The following CLRN1 variants were observed in gnomAD, a reference collection of about 807,000 sequenced individuals.
CLRN1 encodes clarin 1, also known as clarin-1.
A neutral mutation model predicts 18.7 loss-of-function variants in CLRN1; 15 were observed. The ratio of observed to expected loss-of-function variants is 0.80; its 90% CI spans 0.54 to 1.23. The LOEUF is 1.23. Ranked by LOEUF, CLRN1 falls within the 50% of genes most tolerant of loss-of-function variation. The pLI is 0.00. For missense variants in CLRN1, 311 were observed against 277.5 expected (o/e 1.12, Z -0.86); for synonymous variants, 104 against 102.9 (o/e 1.01, Z -0.07).
chr3:150,953,382 T>C (rs1407869062), intron 1 of CLRN1, among the ~76,000 whole-genome samples: 2 of 152,196 alleles, frequency 1.3e-5, no homozygotes, highest in East Asian at 3.8e-4. Context: ...TCTGAGTCAA[T>C]GTGTCTCGGT....
intron 1 of CLRN1, among the ~76,000 whole-genome samples, chr3:150,965,151 C>A (rs1026538994): frequency 3.9e-5 from 6 of 152,114 alleles, no homozygotes; most frequent in Non-Finnish European, 8.8e-5. Flanking sequence ...CAAAATGTAG[C>A]AGAGGAAGAG....
At chr3:150,960,711 C>T (rs1460692655) in intron 1 of CLRN1, among the ~76,000 whole-genome samples, 3 of 152,166 alleles carry the variant, frequency 2.0e-5, no homozygotes, top group African/African-American at 7.2e-5. Flanking sequence ...AAGGAGAACC[C>T]CTGAGAGTCT....
chr3:150,938,855 C>T (rs917771391), intron 2 of CLRN1, among the ~76,000 whole-genome samples: 30 of 152,304 alleles, frequency 2.0e-4, no homozygotes, highest in African/African-American at 7.2e-4. Flanking sequence ...TATTTGTGTG[C>T]TCAGGTTCTC....
chr3:150,954,503 A>G (rs1440794210), intron 1 of CLRN1, among the ~76,000 whole-genome samples: 2 of 152,334 alleles, frequency 1.3e-5, no homozygotes, highest in East Asian at 3.9e-4. Context: ...GTCTTTATGC[A>G]TGCTGGATAC....
At chr3:150,964,123 G>A (rs62282751) in intron 1 of CLRN1, among the ~76,000 whole-genome samples, 27,590 of 151,910 alleles carry the variant, frequency 0.18, 2,769 homozygotes, top group East Asian at 0.39. Context: ...CAGAGTGAAC[G>A]GGCAACCTGC....
intron 2 of CLRN1, among the ~76,000 whole-genome samples, chr3:150,940,232 C>T (rs1353623560): frequency 1.3e-5 from 2 of 152,158 alleles, no homozygotes; most frequent in Non-Finnish European, 2.9e-5. Flanking sequence ...TGTGACAAAT[C>T]TAAAGAAAAT....
chr3:150,941,769 T>C lies in CLRN1; in HGVS notation c.254-8A>G, dbSNP rs1164585720. ...TGAGCAAATCTGGAAAAACTGAAGA[T>C]AAGACAAAACTAGGGTTAGAAGAAG... is the stretch of plus-strand genomic sequence containing the variant. On this transcript the variant is annotated splice_polypyrimidine_tract_variant and splice_region_variant and intron_variant, in intron 1 of 2. Coordinates refer to ENST00000327047, the MANE Select transcript of CLRN1 (RefSeq NM_174878.3). 1.2e-6 allele frequency: 2 copies of C among 1,613,340 alleles called. No homozygotes were observed. The highest frequency in any genetic ancestry group is 1.7e-6 in the Non-Finnish European group (2 of 1,179,520).
At chr3:150,940,272 C>T (rs1434121179) in intron 2 of CLRN1, among the ~76,000 whole-genome samples, 1 of 152,210 alleles carries the variant, frequency 6.6e-6, no homozygotes, top group Non-Finnish European at 1.5e-5. Context: ...GAGAGATCTA[C>T]ATTGGATGGG....
upstream of CLRN1, chr3:150,972,737 G>T: frequency 6.2e-7 from 1 of 1,614,120 alleles, no homozygotes; most frequent in Non-Finnish European, 8.5e-7. Flanking sequence ...TGAGGGCGAG[G>T]TTCAAAAACA....
chr3:150,936,803 C>T (rs1275775283), intron 2 of CLRN1, among the ~76,000 whole-genome samples: 2 of 152,168 alleles, frequency 1.3e-5, no homozygotes, highest in African/African-American at 2.4e-5. Flanking sequence ...CATTTCCCCT[C>T]ACTACCCAGC....
rs145125171 is a variant in CLRN1, at chr3:150,952,977, G to A, written c.254-11216C>T. On this transcript the variant is annotated intron_variant, in intron 1 of 2. Transcript: ENST00000327047. ...CTTTTAATCAAAAATCCCCAAGTCT[G>A]TAATGACCAGCCAGAACTCTCGTAA... is the stretch of plus-strand genomic sequence containing the variant. 2.3e-3 allele frequency among the ~76,000 whole-genome samples: 354 copies of A among 152,240 alleles called. 1 individual carries two copies. The highest frequency in any genetic ancestry group is 8.0e-3 in the African/African-American group (332 of 41,510).
At chr3:150,965,557 C>G (rs1017643065) in intron 1 of CLRN1, among the ~76,000 whole-genome samples, 7 of 152,098 alleles carry the variant, frequency 4.6e-5, no homozygotes, top group Admixed American at 4.6e-4. Flanking sequence ...GTCTGAAAGT[C>G]CTTGGGGAAG....
intron 1 of CLRN1, among the ~76,000 whole-genome samples, chr3:150,950,350 G>A (rs1576637484): frequency 6.6e-6 from 1 of 152,108 alleles, no homozygotes; most frequent in African/African-American, 2.4e-5. Context: ...CATGGTAAAA[G>A]AAACAATCAA....
intron 1 of CLRN1, among the ~76,000 whole-genome samples, chr3:150,965,699 CCT>C (rs1298370168): frequency 6.6e-6 from 1 of 152,136 alleles, no homozygotes; most frequent in Non-Finnish European, 1.5e-5. Context: ...AGAACCTGCC[CCT>C]GTCAGACTCC....
chr3:150,969,258 A>G (rs1307600187), intron 1 of CLRN1, among the ~76,000 whole-genome samples: 5 of 144,700 alleles, frequency 3.5e-5, no homozygotes, highest in African/African-American at 1.3e-4. Context: ...GGCTACTAGG[A>G]CATTTAAAAG....
At position 150,950,119 on chromosome 3, in the gene CLRN1, T is replaced by C. The variant is rs143324473; in HGVS notation, c.254-8358A>G. Among the ~76,000 whole-genome samples the C allele has an allele frequency of 3.0e-3, 454 of 152,212 alleles. 19 individuals are homozygous for C. The East Asian group carries it at 0.073, about 25-fold the overall frequency. On this transcript the variant is annotated intron_variant, in intron 1 of 2. Coordinates refer to ENST00000327047, the MANE Select transcript of CLRN1 (RefSeq NM_174878.3). ...TAACTGGCTAGCCATATGCAGAATA[T>C]TGAAACTGGACCCCTTCCTTACACC...
At chr3:150,944,597 C>CGTGA (rs1714061503) in intron 1 of CLRN1, among the ~76,000 whole-genome samples, 1 of 151,370 alleles carries the variant, frequency 6.6e-6, no homozygotes, top group African/African-American at 2.4e-5. Flanking sequence ...CGGTGGCTCA[C>CGTGA]GCCTGTAATC....
intron 1 of CLRN1, among the ~76,000 whole-genome samples, chr3:150,964,797 G>A (rs967902579): frequency 4.6e-5 from 7 of 152,084 alleles, no homozygotes; most frequent in African/African-American, 1.4e-4. Flanking sequence ...AACTGACGCA[G>A]GAACAGAAAA....
intron 1 of CLRN1, among the ~76,000 whole-genome samples, chr3:150,967,524 G>A (rs902545242): frequency 6.6e-6 from 1 of 152,104 alleles, no homozygotes; most frequent in African/African-American, 2.4e-5. Context: ...GGTGCATATA[G>A]CTTCTTCCTC....
Sources: allele counts gnomAD v4.1 joint callset (sites outside exome capture counted in the v4.1 genomes callset), GRCh38; gene constraint gnomAD v4.1.1; transcripts MANE v1.5; gene names NCBI Gene and HGNC (gene_info 2026-07-23, HGNC 2026-07-21).